The following TTBK2 variants were observed in gnomAD, a reference collection of about 807,000 sequenced individuals.
The protein encoded by TTBK2 is tau tubulin kinase 2.
Under a neutral mutation model 110.8 loss-of-function variants are expected in TTBK2, and 28 were observed. The observed-to-expected ratio is 0.25, with a 90% CI of 0.19 to 0.35. TTBK2 has a LOEUF of 0.35. Ranked by LOEUF, TTBK2 falls within the 10% of genes least tolerant of loss-of-function variation. TTBK2 has a pLI of 1.00. For synonymous variants in TTBK2, 532 were observed against 527.3 expected, an observed-to-expected ratio of 1.01 and a Z score of -0.12; for missense variants, 1,369 against 1,500.3, an observed-to-expected ratio of 0.91 and a Z score of 1.45.
chr15:42,917,073 T>A (rs1468756339), intron 1 of TTBK2, among the ~76,000 whole-genome samples: 1 of 152,180 alleles, frequency 6.6e-6, no homozygotes, highest in East Asian at 1.9e-4. Flanking sequence ...ACTTCCACTC[T>A]TTAGGAGGCA....
intron 1 of TTBK2, among the ~76,000 whole-genome samples, chr15:42,899,234 G>A (rs2141184550): frequency 6.6e-6 from 1 of 152,094 alleles, no homozygotes; most frequent in East Asian, 1.9e-4. Flanking sequence ...GTGAGCTCAA[G>A]TGATCTGCCT....
chr15:42,855,567 A>G (rs1893898278), intron 3 of TTBK2, among the ~76,000 whole-genome samples: 1 of 152,284 alleles, frequency 6.6e-6, no homozygotes. Context: ...CTTCAAAAGG[A>G]TAATGATTTC....
chr15:42,821,115 A>G (rs1423530772), intron 6 of TTBK2, among the ~76,000 whole-genome samples: 1 of 152,244 alleles, frequency 6.6e-6, no homozygotes, highest in African/African-American at 2.4e-5. Flanking sequence ...GACAAGTGAA[A>G]AAAAGAAAGG....
In TTBK2 at chr15:42,845,210, G is replaced by A. The variant is rs147413849; in HGVS notation, c.218-4777C>T. 2.0e-5 allele frequency among the ~76,000 whole-genome samples: 3 copies of A among 152,246 alleles called. No homozygotes were observed. The East Asian group carries it at 5.8e-4, about 29-fold the overall frequency. The stretch of plus-strand genomic sequence containing the variant: ...GCTGACAGGCTAGAGGACTTGATAC[G>A]AGTTAAGGTGGGCTGAGGTGGGAAG... On this transcript the variant is annotated intron_variant, in intron 3 of 14. Coordinates refer to ENST00000267890, the MANE Select transcript of TTBK2 (RefSeq NM_173500.4).
intron 10 of TTBK2, among the ~76,000 whole-genome samples, chr15:42,792,159 C>T (rs1890716551): frequency 6.6e-6 from 1 of 152,104 alleles, no homozygotes; most frequent in Non-Finnish European, 1.5e-5. Flanking sequence ...AACAAAAATA[C>T]TAGTGTATAT....
chr15:42,910,614 T>C (rs943267443), intron 1 of TTBK2, among the ~76,000 whole-genome samples: 5 of 152,216 alleles, frequency 3.3e-5, no homozygotes, highest in African/African-American at 4.8e-5. Flanking sequence ...GCATAATGCA[T>C]AGCTTTGCCC....
At chr15:42,919,885 G>T in intron 1 of TTBK2, 1 of 885,556 alleles carries the variant, frequency 1.1e-6, no homozygotes, top group Non-Finnish European at 1.4e-6. Context: ...CCCTCCCACA[G>T]CATCCCAGGG....
At chr15:42,868,695 CAAA>C (rs777884907) in intron 3 of TTBK2, among the ~76,000 whole-genome samples, 1 of 86,084 alleles carries the variant, frequency 1.2e-5, no homozygotes. Flanking sequence ...TACATCTCTA[CAAA>C]AAAAAAAAAA....
chr15:42,826,912 G>C (rs1892560061), intron 6 of TTBK2, among the ~76,000 whole-genome samples: 1 of 152,202 alleles, frequency 6.6e-6, no homozygotes, highest in Non-Finnish European at 1.5e-5. Flanking sequence ...CTGGGCAGGA[G>C]AGAACTAGGG....
At chr15:42,795,715 C>T (rs1303285991) in intron 9 of TTBK2, among the ~76,000 whole-genome samples, 3 of 151,814 alleles carry the variant, frequency 2.0e-5, no homozygotes, top group Non-Finnish European at 2.9e-5. Flanking sequence ...TGGTGGTACA[C>T]GCCTGTAATC....
At chr15:42,802,545 C>T in intron 9 of TTBK2, 1 of 437,106 alleles carries the variant, frequency 2.3e-6, no homozygotes, top group Non-Finnish European at 4.2e-6. Context: ...TTAACTGCAC[C>T]CATCCTCTAA....
At chr15:42,898,031 A>T (rs1403757486) in intron 1 of TTBK2, among the ~76,000 whole-genome samples, 1 of 152,144 alleles carries the variant, frequency 6.6e-6, no homozygotes, top group Non-Finnish European at 1.5e-5. Context: ...ATCTATAAAA[A>T]GTATAAAAAA....
chr15:42,834,001 A>T (rs1490154360), intron 4 of TTBK2, among the ~76,000 whole-genome samples: 3 of 151,768 alleles, frequency 2.0e-5, no homozygotes, highest in Non-Finnish European at 4.4e-5. Context: ...ACAGAGAGAG[A>T]CTCTGTCTCA....
intron 1 of TTBK2, among the ~76,000 whole-genome samples, chr15:42,916,493 AT>A (rs1474129972): frequency 6.6e-6 from 1 of 151,996 alleles, no homozygotes; most frequent in Non-Finnish European, 1.5e-5. Context: ...CATCCTGCTA[AT>A]TTTTCTATTT....
At chr15:42,873,543 G>C (rs749944831) in intron 2 of TTBK2, among the ~76,000 whole-genome samples, 2 of 152,066 alleles carry the variant, frequency 1.3e-5, no homozygotes, top group Non-Finnish European at 1.5e-5. Context: ...GAGAACTCTA[G>C]TACCAAACTA....
chr15:42,771,267 C>T (rs570902265), intron 13 of TTBK2, among the ~76,000 whole-genome samples: 1 of 152,250 alleles, frequency 6.6e-6, no homozygotes, highest in Admixed American at 6.5e-5. Flanking sequence ...GCCACCACGC[C>T]CGGCCTGAAG....
chr15:42,819,035 T>G (rs1404464317), intron 6 of TTBK2, among the ~76,000 whole-genome samples: 1 of 151,222 alleles, frequency 6.6e-6, no homozygotes, highest in Non-Finnish European at 1.5e-5. Flanking sequence ...TAGCTCAATA[T>G]GACAACTGCC....
At position 42,760,964 on chromosome 15, in the gene TTBK2, T is replaced by G. The variant is rs980015810; in HGVS notation, c.1999-7717A>C. Among the ~76,000 whole-genome samples, 3 of 152,190 alleles carry G rather than the reference T, an allele frequency of 2.0e-5. No individual in the cohort carries two copies. In the East Asian group the frequency reaches 5.8e-4, roughly 29 times the overall value. On this transcript the variant is annotated intron_variant, in intron 13 of 14. Transcript: ENST00000267890. ...CAAAGCTATAGTAACCAAAACAGCA[T>G]GGTACTGGCATAAAAACAGACACAT...
chr15:42,870,769 GA>G (rs571019011), intron 3 of TTBK2, among the ~76,000 whole-genome samples: 3,097 of 151,320 alleles, frequency 0.02, 63 homozygotes, highest in Non-Finnish European at 0.028. Context: ...GCTGAGGCAG[GA>G]GAATCGCTTG....
Sources: allele counts gnomAD v4.1 joint callset (sites outside exome capture counted in the v4.1 genomes callset), GRCh38; gene constraint gnomAD v4.1.1; transcripts MANE v1.5; gene names NCBI Gene and HGNC (gene_info 2026-07-23, HGNC 2026-07-21).